FALEC: variants seen among roughly 807,000 people sequenced by gnomAD.
FALEC encodes the protein focally amplified lncRNA on chromosome 1.
At chr1:150,534,721 A>G in the FALEC span, among the ~76,000 whole-genome samples, 2 of 152,084 alleles carry the variant, frequency 1.3e-5, no homozygotes, top group South Asian at 4.1e-4. Context: ...GCGTGGCTGT[A>G]ATCCCAGCTA....
At chr1:150,529,016 C>CAA in the FALEC span, among the ~76,000 whole-genome samples, 61 of 59,282 alleles carry the variant, frequency 1.0e-3, 4 homozygotes, top group South Asian at 7.4e-3. Flanking sequence ...AAATAAATAG[C>CAA]AAAAAAAAAA....
At chr1:150,530,059 G>A in the FALEC span, among the ~76,000 whole-genome samples, 1 of 152,146 alleles carries the variant, frequency 6.6e-6, no homozygotes, top group Non-Finnish European at 1.5e-5. Flanking sequence ...ATCAGGGCCT[G>A]ACTGATGGGC....
chr1:150,520,789 T>TTC (rs2101456274), downstream of FALEC, among the ~76,000 whole-genome samples: 1 of 123,522 alleles, frequency 8.1e-6, no homozygotes, highest in African/African-American at 3.6e-5. Flanking sequence ...TTTTCTTTTT[T>TTC]TTTTTTTTTT....
downstream of FALEC, among the ~76,000 whole-genome samples, chr1:150,520,839 G>A (rs1288758800): frequency 7.7e-6 from 1 of 129,318 alleles, no homozygotes; most frequent in Non-Finnish European, 1.6e-5. Context: ...TGTTGCCCAG[G>A]CTAGAGTGCA....
chr1:150,516,979 G>C (rs1670577211), intron 1 of FALEC, among the ~76,000 whole-genome samples: 2 of 152,066 alleles, frequency 1.3e-5, no homozygotes, highest in South Asian at 4.1e-4. Context: ...CCAGGAAGAG[G>C]AAATAACACA....
chr1:150,523,769 G>A, the FALEC span, among the ~76,000 whole-genome samples: 1 of 151,986 alleles, frequency 6.6e-6, no homozygotes, highest in Admixed American at 6.6e-5. Context: ...CCTACTCCCT[G>A]GAAACCGTGA....
chr1:150,521,279 A>T (rs1670640393), downstream of FALEC, among the ~76,000 whole-genome samples: 1 of 152,178 alleles, frequency 6.6e-6, no homozygotes, highest in Non-Finnish European at 1.5e-5. Context: ...GTCAGAGTTT[A>T]TTTGGCTTAA....
At chr1:150,533,862 T>C in the FALEC span, among the ~76,000 whole-genome samples, 1 of 152,184 alleles carries the variant, frequency 6.6e-6, no homozygotes, top group South Asian at 2.1e-4. Context: ...TCCATATGCA[T>C]GGGGTATTTT....
At chr1:150,527,011 C>T in the FALEC span, among the ~76,000 whole-genome samples, 1 of 151,380 alleles carries the variant, frequency 6.6e-6, no homozygotes, top group South Asian at 2.1e-4. Flanking sequence ...TCTCGGCTTA[C>T]TGCAACCTCC....
the FALEC span, among the ~76,000 whole-genome samples, chr1:150,529,541 T>C: frequency 6.6e-6 from 1 of 152,002 alleles, no homozygotes; most frequent in Non-Finnish European, 1.5e-5. Flanking sequence ...ACCCCAAACG[T>C]CTTCCCCTAT....
At chr1:150,520,502 C>G (rs1428009146), downstream of FALEC, among the ~76,000 whole-genome samples, 2 of 152,076 alleles carry the variant, frequency 1.3e-5, no homozygotes, top group African/African-American at 4.8e-5. Context: ...AACTTCATTC[C>G]CTTTTATGGC....
At chr1:150,515,935 C>A in exon 1 of FALEC, 1 of 152,420 alleles carries the variant, frequency 6.6e-6, no homozygotes, top group Non-Finnish European at 1.5e-5. Context: ...GGCGAATCCG[C>A]AAGCGGAGAC....
chr1:150,523,944 G>C, the FALEC span, among the ~76,000 whole-genome samples: 8 of 152,118 alleles, frequency 5.3e-5, no homozygotes, highest in African/African-American at 1.7e-4. Context: ...TGGAAGCAGA[G>C]ATCAAGGTGA....
chr1:150,520,453 A>C (rs111442716), downstream of FALEC, among the ~76,000 whole-genome samples: 17 of 152,276 alleles, frequency 1.1e-4, no homozygotes, highest in African/African-American at 3.9e-4. Context: ...CACTTAGCAT[A>C]ATGTTTTCAA....
chr1:150,531,542 T>C, the FALEC span, among the ~76,000 whole-genome samples: 1 of 152,108 alleles, frequency 6.6e-6, no homozygotes, highest in Non-Finnish European at 1.5e-5. Context: ...TAACTCATTA[T>C]CTGCAACAAT....
chr1:150,531,895 G>A, the FALEC span, among the ~76,000 whole-genome samples: 5 of 152,146 alleles, frequency 3.3e-5, no homozygotes, highest in Admixed American at 1.3e-4. Flanking sequence ...GCCTGCCTTC[G>A]AAGCTCCGTC....
At chr1:150,529,016 C>CAAAAAAAGAAAAA in the FALEC span, among the ~76,000 whole-genome samples, 1 of 59,292 alleles carries the variant, frequency 1.7e-5, no homozygotes, top group African/African-American at 7.7e-5. Context: ...AAATAAATAG[C>CAAAAAAAGAAAAA]AAAAAAAAAA....
At chr1:150,534,365 G>A in the FALEC span, among the ~76,000 whole-genome samples, 4 of 152,166 alleles carry the variant, frequency 2.6e-5, no homozygotes, top group Admixed American at 6.5e-5. Flanking sequence ...TCTGAGCCCC[G>A]CACCTTCATA....
At chr1:150,522,944 TG>T, downstream of FALEC, among the ~76,000 whole-genome samples, 1 of 3,998 alleles carries the variant, frequency 2.5e-4, no homozygotes. Flanking sequence ...TGTGTGTGTG[TG>T]TGTGTATATA....
Sources: allele counts gnomAD v4.1 joint callset (sites outside exome capture counted in the v4.1 genomes callset), GRCh38; gene constraint gnomAD v4.1.1; transcripts MANE v1.5; gene names NCBI Gene and HGNC (gene_info 2026-07-23, HGNC 2026-07-21).